Variants in EXOC5 observed in about 807,000 individuals in gnomAD.
EXOC5 encodes the protein exocyst complex component 5.
EXOC5 carries 17 observed loss-of-function variants against 90.8 expected under a neutral mutation model. That is an observed-to-expected ratio of 0.19 (90% CI 0.13 to 0.28). The LOEUF is 0.28. Among genes scored for constraint, EXOC5 ranks in the 10% least tolerant of loss-of-function variants. The probability of loss-of-function intolerance (pLI) is 1.00; values close to 1 mark genes in which losing one functional copy is unlikely to be tolerated. For synonymous variants in EXOC5, 260 were observed against 270.0 expected, an observed-to-expected ratio of 0.96 and a Z score of 0.36; for missense variants, 569 against 830.6, an observed-to-expected ratio of 0.69 and a Z score of 3.87.
At chr14:57,247,536 A>C in intron 2 of EXOC5, 82 bp downstream of exon 2, 1 of 579,390 alleles carries the variant, frequency 1.7e-6, no homozygotes. Flanking sequence ...GGAATGCTGA[A>C]AGCAATCTCA....
At chr14:57,235,908 T>C (rs1883643039) in intron 6 of EXOC5, 88 bp from the exon 7 acceptor site, 2 of 694,106 alleles carry the variant, frequency 2.9e-6, no homozygotes, top group Admixed American at 4.5e-5. Flanking sequence ...ATATAATGAC[T>C]ATGAATATAG....
chr14:57,210,826 C>T (rs1882805454), intron 15 of EXOC5, among the ~76,000 whole-genome samples: 1 of 152,164 alleles, frequency 6.6e-6, no homozygotes, highest in South Asian at 2.1e-4. Context: ...AGCACAGTAA[C>T]ATAACCACAA....
chr14:57,213,839 G>A (rs147762394), intron 15 of EXOC5, among the ~76,000 whole-genome samples: 5,140 of 151,438 alleles, frequency 0.034, 303 homozygotes, highest in African/African-American at 0.12. Context: ...GCATGGTGGT[G>A]CGCACCTGTA....
intron 1 of EXOC5, among the ~76,000 whole-genome samples, chr14:57,263,239 G>A (rs1418719029): frequency 6.6e-6 from 1 of 152,142 alleles, no homozygotes; most frequent in African/African-American, 2.4e-5. Flanking sequence ...GGAGGCCCTA[G>A]GTGGGAGGAC....
At chr14:57,228,189 ACAGT>A (rs1157020442) in intron 12 of EXOC5, among the ~76,000 whole-genome samples, 1 of 152,202 alleles carries the variant, frequency 6.6e-6, no homozygotes, top group African/African-American at 2.4e-5. Context: ...CAATCATTAA[ACAGT>A]CAGGAAACAA....
chr14:57,215,536 A>G (rs1882948174), intron 15 of EXOC5, among the ~76,000 whole-genome samples: 1 of 152,176 alleles, frequency 6.6e-6, no homozygotes, highest in South Asian at 2.1e-4. Flanking sequence ...AATGTGACAG[A>G]CCACATTAAC....
rs1429735504 is a variant in EXOC5 at position 57,247,682 on chromosome 14, G to A, written c.58C>T (p.Arg20Cys). The A allele has an allele frequency of 5.8e-6, 9 of 1,563,556 alleles. No individual in the cohort carries two copies. Among genetic ancestry groups the A allele is most frequent in the Non-Finnish European group, 7.8e-6 (9 of 1,151,948 alleles). ...EPFVADEYIERLVWRTPGGGS... is the reference protein window; with the variant it reads ...EPFVADEYIECLVWRTPGGGS... Reference sequence around the variant, plus strand: ...CCTCCTGGGGTTCTCCATACAAGACGTTCAATATATTCATCTGCCACAAAA... The same window carrying A: ...CCTCCTGGGGTTCTCCATACAAGACATTCAATATATTCATCTGCCACAAAA... The change falls in exon 2 of 18, where the codon CGT (arginine) becomes TGT (cysteine). Residue 20 changes from arginine to cysteine, a missense_variant. By Grantham distance (180) the Arg-to-Cys change is radical. Coordinates refer to ENST00000621441, the MANE Select transcript of EXOC5 (RefSeq NM_006544.4).
chr14:57,264,938 G>T (rs1884624918), intron 1 of EXOC5, among the ~76,000 whole-genome samples: 1 of 152,022 alleles, frequency 6.6e-6, no homozygotes, highest in Non-Finnish European at 1.5e-5. Context: ...TCCAAAATAT[G>T]TACCTTGTAA....
chr14:57,216,421 G>A (rs1195694968), intron 15 of EXOC5, among the ~76,000 whole-genome samples: 1 of 152,094 alleles, frequency 6.6e-6, no homozygotes, highest in African/African-American at 2.4e-5. Flanking sequence ...AATGCAGTAT[G>A]GTACTGGCAT....
chr14:57,262,682 A>G (rs995331853), intron 1 of EXOC5, among the ~76,000 whole-genome samples: 3 of 138,046 alleles, frequency 2.2e-5, no homozygotes, highest in African/African-American at 5.9e-5. Context: ...ATATATATAC[A>G]TTAAGTATAT....
chr14:57,254,195 G>C (rs1184013210), intron 1 of EXOC5, among the ~76,000 whole-genome samples: 1 of 152,158 alleles, frequency 6.6e-6, no homozygotes, highest in African/African-American at 2.4e-5. Flanking sequence ...AGCACTTTGG[G>C]AGGCAGAGGC....
At chr14:57,244,835 A>G (rs924064226) in intron 3 of EXOC5, among the ~76,000 whole-genome samples, 1 of 152,154 alleles carries the variant, frequency 6.6e-6, no homozygotes, top group Non-Finnish European at 1.5e-5. Flanking sequence ...AATCTCTACT[A>G]AAAATACAAA....
intron 4 of EXOC5, chr14:57,243,280 T>G (rs1255614360): frequency 6.6e-6 from 1 of 152,222 alleles, no homozygotes; most frequent in Non-Finnish European, 1.5e-5. Flanking sequence ...AGAGGAATTA[T>G]CTGTACACAC....
At position 57,209,969 on chromosome 14, in the gene EXOC5, A is replaced by G; in HGVS notation, c.1706T>C (p.Leu569Ser). The G allele has an allele frequency of 1.3e-6, 2 of 1,550,204 alleles. No homozygotes were observed. Among genetic ancestry groups the G allele is most frequent in the Non-Finnish European group, 1.8e-6 (2 of 1,128,786 alleles). Residue 569 changes from leucine (L) to serine (S), a missense_variant, in exon 16 of 18, where the codon TTG (leucine) becomes TCG (serine). Leu to Ser is a moderately radical substitution (Grantham distance 145). This residue lies in a region of EXOC5 where 122 missense variants were observed against 180.0 expected (regional missense o/e 0.68). Transcript: ENST00000621441. The stretch of plus-strand genomic sequence containing the variant: ...TTTACTCACATTAGTATATTGAATC[A>G]AAACATTGTTTTCATCTTCTGGCTT... Reference protein sequence around the residue: ...DFKPEDENNVLIQYTNACVKV... With the variant: ...DFKPEDENNVSIQYTNACVKV...
chr14:57,257,147 A>G (rs1884371192), intron 1 of EXOC5, among the ~76,000 whole-genome samples: 1 of 152,164 alleles, frequency 6.6e-6, no homozygotes, highest in South Asian at 2.1e-4. Flanking sequence ...TAAGTTGCTG[A>G]TAGACTGGAT....
At chr14:57,265,596 G>A (rs555937584) in intron 1 of EXOC5, among the ~76,000 whole-genome samples, 83 of 152,232 alleles carry the variant, frequency 5.5e-4, no homozygotes, top group Admixed American at 3.5e-3. Flanking sequence ...ATGGAGGCAG[G>A]CACCTCTAGT....
chr14:57,234,694 T>C (rs1445052415), intron 7 of EXOC5, among the ~76,000 whole-genome samples: 3 of 151,370 alleles, frequency 2.0e-5, no homozygotes, highest in African/African-American at 7.3e-5. Flanking sequence ...GCCTCCCGAG[T>C]AGCTGGGACT....
chr14:57,216,496 G>C (rs1882978994), intron 15 of EXOC5, among the ~76,000 whole-genome samples: 1 of 152,078 alleles, frequency 6.6e-6, no homozygotes, highest in Non-Finnish European at 1.5e-5. Context: ...TCCATTTATG[G>C]TCAACTGCTC....
chr14:57,232,509 A>G (rs1057373541), intron 10 of EXOC5, 158 bp downstream of exon 10: 1 of 412,098 alleles, frequency 2.4e-6, no homozygotes, highest in Non-Finnish European at 4.3e-6. Flanking sequence ...TGTACAATAC[A>G]GTCTTGTACA....
Sources: gnomAD v4.1 joint callset for allele counts (sites outside exome capture counted in the v4.1 genomes callset) on GRCh38, gnomAD v4.1.1 for gene constraint, gnomAD v4.1.1 regional missense constraint, MANE v1.5 for transcripts, NCBI Gene and HGNC (gene_info 2026-07-23, HGNC 2026-07-21) for gene names.